Variants in DPP6 observed in about 807,000 individuals in gnomAD.
DPP6 encodes the protein A-type potassium channel modulatory protein DPP6.
In DPP6, 69 loss-of-function variants were observed where a neutral mutation model predicts 122.6. The observed-to-expected ratio is 0.56, with a 90% confidence interval of 0.46 to 0.69. DPP6 has a LOEUF of 0.69. Among genes scored for constraint, DPP6 ranks in the 30% least tolerant of loss-of-function variants. DPP6 has a pLI of 0.00. For missense variants in DPP6, 928 were observed against 1,116.9 expected (o/e 0.83, Z 2.41); for synonymous variants, 418 against 433.1 (o/e 0.97, Z 0.43).
intron 1 of DPP6, among the ~76,000 whole-genome samples, chr7:154,264,418 T>A (rs951549176): frequency 6.6e-6 from 1 of 152,152 alleles, no homozygotes; most frequent in Admixed American, 6.5e-5. Context: ...TTGAGTTTAA[T>A]CCTTGCTCAA....
rs116489048 is a variant in DPP6 at position 154,237,394 on chromosome 7, A to G, written c.243+184331A>G. Among the ~76,000 whole-genome samples the G allele has an allele frequency of 7.9e-3, 1,196 of 152,352 alleles. 17 individuals carry two copies. Among genetic ancestry groups the G allele is most frequent in the African/African-American group, 0.027 (1,127 of 41,584 alleles). On this transcript the variant is annotated intron_variant, in intron 1 of 25. Transcript: ENST00000377770. Reference sequence around the variant, plus strand: ...TCTTTATAACTAAATTCTGAAATACAGAGTGCCCTGTTTTCACCTTCAGGG... The same window carrying G: ...TCTTTATAACTAAATTCTGAAATACGGAGTGCCCTGTTTTCACCTTCAGGG...
chr7:154,317,974 G>C (rs1057094321), intron 1 of DPP6, among the ~76,000 whole-genome samples: 1 of 152,128 alleles, frequency 6.6e-6, no homozygotes. Flanking sequence ...GCCAAGTAAA[G>C]AAAATACTGA....
chr7:154,750,414 A>G (rs1459310167), intron 8 of DPP6, among the ~76,000 whole-genome samples: 1 of 152,218 alleles, frequency 6.6e-6, no homozygotes, highest in Non-Finnish European at 1.5e-5. Flanking sequence ...CACATCCCAC[A>G]GTGTGGAGGT....
intron 16 of DPP6, among the ~76,000 whole-genome samples, chr7:154,818,803 G>A (rs576685467): frequency 3.3e-4 from 51 of 152,282 alleles, no homozygotes; most frequent in African/African-American, 1.1e-3. Context: ...AACATTTGGA[G>A]CCATTCCCTT....
chr7:154,062,798 C>A (rs1483297284), intron 1 of DPP6, among the ~76,000 whole-genome samples: 2 of 114,246 alleles, frequency 1.8e-5, no homozygotes, highest in Non-Finnish European at 1.8e-5. Context: ...GCTCTTAGGA[C>A]CCCCATCGCA....
chr7:154,221,281 T>C (rs555440171), intron 1 of DPP6, among the ~76,000 whole-genome samples: 136 of 152,212 alleles, frequency 8.9e-4, no homozygotes, highest in African/African-American at 3.1e-3. Flanking sequence ...GATGGAACTA[T>C]AGGTGCCTGC....
chr7:154,079,156 C>A (rs1331541902), intron 1 of DPP6, among the ~76,000 whole-genome samples: 1 of 152,108 alleles, frequency 6.6e-6, no homozygotes, highest in Non-Finnish European at 1.5e-5. Flanking sequence ...GATCGCACCA[C>A]TGTACTCCAT....
the DPP6 span, among the ~76,000 whole-genome samples, chr7:153,835,766 C>T: frequency 1.3e-5 from 2 of 152,122 alleles, no homozygotes; most frequent in Admixed American, 1.3e-4. Flanking sequence ...TGAGGACAGA[C>T]CTAAGAGCAG....
intron 8 of DPP6, among the ~76,000 whole-genome samples, chr7:154,761,655 G>C (rs921104104): frequency 7.2e-5 from 11 of 152,194 alleles, no homozygotes; most frequent in African/African-American, 2.7e-4. Context: ...GTGGGAGCAG[G>C]AGTGAGAGGG....
chr7:154,356,946 G>A (rs1324104120), intron 1 of DPP6, among the ~76,000 whole-genome samples: 1 of 152,094 alleles, frequency 6.6e-6, no homozygotes, highest in Non-Finnish European at 1.5e-5. Flanking sequence ...GAAGCTTGAG[G>A]CTTTACCATC....
chr7:153,948,369 T>G (rs1802045132), intron 1 of DPP6, among the ~76,000 whole-genome samples: 1 of 152,060 alleles, frequency 6.6e-6, no homozygotes, highest in Non-Finnish European at 1.5e-5. Context: ...AGATTAAACT[T>G]TGGAAATGAT....
intron 7 of DPP6, among the ~76,000 whole-genome samples, chr7:154,699,883 C>T (rs3778729): frequency 0.062 from 9,407 of 152,154 alleles, 718 homozygotes; most frequent in East Asian, 0.23. Flanking sequence ...GGTGTTCTGA[C>T]GAGGGGAGTC....
intron 1 of DPP6, among the ~76,000 whole-genome samples, chr7:154,302,972 T>A (rs1806009931): frequency 7.1e-6 from 1 of 141,244 alleles, no homozygotes; most frequent in African/African-American, 2.7e-5. Context: ...CCCTGGGGTT[T>A]TAGTTTTTTT....
chr7:154,527,223 A>G (rs1827476367), intron 3 of DPP6, among the ~76,000 whole-genome samples: 1 of 152,198 alleles, frequency 6.6e-6, no homozygotes, highest in Non-Finnish European at 1.5e-5. Context: ...TAGTTTTATC[A>G]ATGCTCCAAT....
At chr7:154,673,881 CT>C (rs57963702) in intron 7 of DPP6, among the ~76,000 whole-genome samples, 18,023 of 143,224 alleles carry the variant, frequency 0.13, 1,085 homozygotes, top group African/African-American at 0.17. Context: ...ATGTTTCTTT[CT>C]TTTTTTTTTT....
the DPP6 span, among the ~76,000 whole-genome samples, chr7:153,860,112 GTTATTA>G: frequency 6.6e-6 from 1 of 152,106 alleles, no homozygotes; most frequent in Non-Finnish European, 1.5e-5. Flanking sequence ...TCATGATAGA[GTTATTA>G]TTATTATTCC....
At chr7:154,271,540 C>T (rs1448518334) in intron 1 of DPP6, among the ~76,000 whole-genome samples, 2 of 152,186 alleles carry the variant, frequency 1.3e-5, no homozygotes. Context: ...TTAAACAGCA[C>T]AATTCCCTCC....
chr7:154,302,222 C>T (rs1196548377), intron 1 of DPP6, among the ~76,000 whole-genome samples: 1 of 152,180 alleles, frequency 6.6e-6, no homozygotes, highest in Non-Finnish European at 1.5e-5. Context: ...TACCCTGTTC[C>T]TTTTGCCTCC....
chr7:154,103,997 C>A (rs1348335510), intron 1 of DPP6, among the ~76,000 whole-genome samples: 5 of 152,214 alleles, frequency 3.3e-5, no homozygotes, highest in African/African-American at 1.2e-4. Flanking sequence ...TATGGTGGGA[C>A]TTCACGTCGT....
Sources: gnomAD v4.1 joint callset for allele counts (sites outside exome capture counted in the v4.1 genomes callset) on GRCh38, gnomAD v4.1.1 for gene constraint, MANE v1.5 for transcripts, NCBI Gene and HGNC (gene_info 2026-07-23, HGNC 2026-07-21) for gene names.